The following NRG2 variants were observed in gnomAD, a reference collection of about 807,000 sequenced individuals.
NRG2 encodes the protein neuregulin 2, also known as pro-neuregulin-2, membrane-bound isoform.
In NRG2, 27 loss-of-function variants were observed where a neutral mutation model predicts 73.9. The ratio of observed to expected loss-of-function variants is 0.37; its 90% confidence interval spans 0.27 to 0.50. The LOEUF (loss-of-function observed/expected upper bound fraction) is 0.50. Among genes scored for constraint, NRG2 ranks in the 20% least tolerant of loss-of-function variants. The probability of loss-of-function intolerance (pLI) is 0.96; values close to 1 mark genes in which losing one functional copy is unlikely to be tolerated. For missense variants in NRG2, 1,126 were observed against 1,210.1 expected, an observed-to-expected ratio of 0.93 and a Z score of 1.03; for synonymous variants, 532 against 541.0, an observed-to-expected ratio of 0.98 and a Z score of 0.23.
In NRG2 at chr5:139,894,064, G is replaced by T. The variant is rs1160817726; in HGVS notation, c.701-6553C>A. Among the ~76,000 whole-genome samples the T allele has an allele frequency of 1.3e-5, 2 of 151,680 alleles. No individual in the cohort carries two copies. Among genetic ancestry groups the T allele is most frequent in the African/African-American group, 2.4e-5 (1 of 40,950 alleles). On this transcript the variant is annotated intron_variant, in intron 1 of 9. Transcript: ENST00000361474. The surrounding 1 kb of genome is among the most constrained non-coding windows in gnomAD (Gnocchi z 5.0). ...CACATCCCAGCCCTGAGACCAGGGG[G>T]TGCCGCTGCTGCCAGCAGCTTAACC... is the stretch of plus-strand genomic sequence containing the variant.
At chr5:139,992,374 TTATC>T (rs1344090038) in intron 1 of NRG2, among the ~76,000 whole-genome samples, 2 of 152,214 alleles carry the variant, frequency 1.3e-5, no homozygotes, top group Non-Finnish European at 2.9e-5. Context: ...TGCTAATAGT[TTATC>T]TATGTATTGT....
chr5:139,978,021 G>T (rs1756506493), intron 1 of NRG2, among the ~76,000 whole-genome samples: 1 of 152,104 alleles, frequency 6.6e-6, no homozygotes, highest in Non-Finnish European at 1.5e-5. Flanking sequence ...TACCATTCAG[G>T]ACATAGACAT....
intron 1 of NRG2, among the ~76,000 whole-genome samples, chr5:139,941,666 T>C (rs1252190905): frequency 6.6e-6 from 1 of 152,226 alleles, no homozygotes; most frequent in East Asian, 1.9e-4. Context: ...GCAGGTTAAT[T>C]ACTTCCAGTT....
At chr5:139,951,468 C>G (rs1189347505) in intron 1 of NRG2, among the ~76,000 whole-genome samples, 1 of 152,172 alleles carries the variant, frequency 6.6e-6, no homozygotes, top group Non-Finnish European at 1.5e-5. Flanking sequence ...GTGCCACATG[C>G]TGTAGTCAGG....
At chr5:139,962,330 A>C (rs1755131502) in intron 1 of NRG2, among the ~76,000 whole-genome samples, 1 of 152,230 alleles carries the variant, frequency 6.6e-6, no homozygotes, top group South Asian at 2.1e-4. Flanking sequence ...GAAGAGAGAA[A>C]GACAAACCTC....
Position 140,042,505 on chromosome 5 carries a change from C to A in NRG2, c.565G>T (p.Glu189Ter). Residue 189 changes from glutamate (E) to a stop codon, truncating the protein, a stop_gained, in exon 1 of 10, where the codon GAA becomes TAA. Transcript: ENST00000361474. LOFTEE classifies it high-confidence loss of function. ...VISVGSCVPL[E>*]RNQRYIFFLE... is the part of the protein sequence containing the mutation. ...AAAAAGATGTAGCGCTGGTTCCTTT[C>A]GAGCGGCACACAGGAGCCCACGCTG... 6.2e-7 allele frequency: 1 copy of A among 1,613,754 alleles called. No individual in the cohort carries two copies. The highest frequency in any genetic ancestry group is 8.5e-7 in the Non-Finnish European group (1 of 1,179,946).
At chr5:139,982,747 C>T (rs1198592206) in intron 1 of NRG2, among the ~76,000 whole-genome samples, 1 of 152,228 alleles carries the variant, frequency 6.6e-6, no homozygotes, top group Non-Finnish European at 1.5e-5. Flanking sequence ...TCCCATTCCC[C>T]CGCAAGGCGC....
chr5:139,890,257 T>A (rs572929242), intron 1 of NRG2, among the ~76,000 whole-genome samples: 2 of 152,362 alleles, frequency 1.3e-5, no homozygotes, highest in Non-Finnish European at 2.9e-5. Flanking sequence ...CATGAGTGTA[T>A]TGGCCCATTG....
At chr5:139,863,597 C>A (rs1762288327) in intron 5 of NRG2, among the ~76,000 whole-genome samples, 1 of 152,234 alleles carries the variant, frequency 6.6e-6, no homozygotes, top group African/African-American at 2.4e-5. Flanking sequence ...GTCTCACAAG[C>A]CCGGGAGGCT....
Position 139,852,669 on chromosome 5 carries a change from C to CCA in NRG2, c.1417-112_1417-111dup. The CCA allele has an allele frequency of 6.6e-7, 1 of 1,505,842 alleles. No homozygotes were observed. The highest frequency in any genetic ancestry group is 1.3e-5 in the South Asian group (1 of 77,844). 93.3% of individuals were successfully genotyped at this position (1,505,842 alleles called of 1,614,324 possible). ...TGACTGAGCTCCTGGTTGGGGAGAC[C>CCA]CACTGTGTGAGAGTGACTTGATGTT... On this transcript the variant is annotated intron_variant, in intron 7 of 9. Coordinates refer to ENST00000361474, the MANE Select transcript of NRG2 (RefSeq NM_004883.3). This position sits in a 1 kb window ranked among gnomAD's most constrained non-coding sequence, Gnocchi z 4.4.
At chr5:139,891,494 C>T (rs535929021) in intron 1 of NRG2, among the ~76,000 whole-genome samples, 18 of 152,282 alleles carry the variant, frequency 1.2e-4, no homozygotes, top group African/African-American at 4.1e-4. Context: ...GTTCCTTATT[C>T]ATTTATTCAG....
At chr5:139,935,094 G>A (rs1025146005) in intron 1 of NRG2, among the ~76,000 whole-genome samples, 29 of 152,134 alleles carry the variant, frequency 1.9e-4, no homozygotes, top group African/African-American at 7.0e-4. Context: ...TTGAACCCAG[G>A]AGGCAGAAGT....
At chr5:139,923,151 C>T (rs1238106352) in intron 1 of NRG2, among the ~76,000 whole-genome samples, 1 of 152,060 alleles carries the variant, frequency 6.6e-6, no homozygotes, top group East Asian at 1.9e-4. Context: ...AACAAACGTA[C>T]CACCATGGCG....
chr5:140,013,823 A>G (rs896737062), intron 1 of NRG2, among the ~76,000 whole-genome samples: 3 of 152,034 alleles, frequency 2.0e-5, no homozygotes, highest in Admixed American at 2.0e-4. Context: ...GAACCAGTCA[A>G]CCTCTCCCTT....
intron 1 of NRG2, among the ~76,000 whole-genome samples, chr5:139,927,631 G>GTGCAT (rs1012063402): frequency 5.3e-5 from 8 of 152,086 alleles, no homozygotes; most frequent in Non-Finnish European, 7.4e-5. Context: ...GGGCATGGTG[G>GTGCAT]TGCATGCCTA....
intron 1 of NRG2, among the ~76,000 whole-genome samples, chr5:139,947,436 A>T (rs1753879020): frequency 6.6e-6 from 1 of 152,158 alleles, no homozygotes; most frequent in Non-Finnish European, 1.5e-5. Flanking sequence ...TTGCCAAATA[A>T]TATTCTATTG....
chr5:140,015,517 A>C (rs1167692311), intron 1 of NRG2, among the ~76,000 whole-genome samples: 1 of 152,202 alleles, frequency 6.6e-6, no homozygotes, highest in African/African-American at 2.4e-5. Context: ...CGGAGATTCC[A>C]TAAGTGTTGG....
At chr5:139,938,955 AAGAAAAAAG>A (rs1753136324) in intron 1 of NRG2, among the ~76,000 whole-genome samples, 1 of 144,830 alleles carries the variant, frequency 6.9e-6, no homozygotes, top group Non-Finnish European at 1.5e-5. Context: ...GAAAGAAAGA[AAGAAAAAAG>A]AAGGAAGGAA....
At chr5:140,002,614 C>T (rs768655722) in intron 1 of NRG2, among the ~76,000 whole-genome samples, 43 of 152,152 alleles carry the variant, frequency 2.8e-4, no homozygotes, top group Non-Finnish European at 4.6e-4. Context: ...ACGTAGGAGC[C>T]GGAGTCAGAG....
Sources: gnomAD v4.1 joint callset for allele counts (sites outside exome capture counted in the v4.1 genomes callset) on GRCh38, gnomAD v4.1.1 for gene constraint, Gnocchi (gnomAD v3.1) non-coding constraint, MANE v1.5 for transcripts, NCBI Gene and HGNC (gene_info 2026-07-23, HGNC 2026-07-21) for gene names.